Variants in ANO6 observed in about 807,000 individuals in gnomAD.
The protein encoded by ANO6 is anoctamin-6.
ANO6 carries 106 observed loss-of-function variants against 117.5 expected under a neutral mutation model. The observed-to-expected ratio is 0.90, with a 90% CI of 0.77 to 1.06. The LOEUF is 1.06. Among genes scored for constraint, ANO6 ranks in the 50% least tolerant of loss-of-function variants. The pLI is 0.00. For missense variants in ANO6, 955 were observed against 1,121.1 expected, an observed-to-expected ratio of 0.85 and a Z score of 2.12; for synonymous variants, 367 against 385.1, an observed-to-expected ratio of 0.95 and a Z score of 0.55.
At chr12:45,293,941 T>C (rs1180913199) in intron 1 of ANO6, among the ~76,000 whole-genome samples, 1 of 152,042 alleles carries the variant, frequency 6.6e-6, no homozygotes, top group Non-Finnish European at 1.5e-5. Context: ...CCTATAATAA[T>C]GTGGCAGGTT....
chr12:45,403,613 A>G, intron 15 of ANO6, 77 bp downstream of exon 15: 2 of 819,132 alleles, frequency 2.4e-6, no homozygotes, highest in South Asian at 4.0e-5. Flanking sequence ...ATTTGCCTAC[A>G]TAGCCACATA....
Position 45,216,152 on chromosome 12 carries a change from G to C in ANO6, c.-170G>C. Reference sequence around the variant, plus strand: ...GTCCTCCGGCTCTGGGCTCCGGTCGGTGGGTGCCTCGGCTCGGCTTTCCCC... The same window carrying C: ...GTCCTCCGGCTCTGGGCTCCGGTCGCTGGGTGCCTCGGCTCGGCTTTCCCC... On this transcript the variant is annotated 5_prime_UTR_variant, in exon 1 of 20. Transcript: ENST00000320560. The C allele has an allele frequency of 1.4e-6, 1 of 710,266 alleles. No homozygotes were observed. The highest frequency in any genetic ancestry group is 2.3e-6 in the Non-Finnish European group (1 of 425,632). The allele number at this position is 710,266 out of a possible 1,614,324, so 44.0% of individuals were successfully genotyped here.
intron 2 of ANO6, among the ~76,000 whole-genome samples, chr12:45,320,018 A>G (rs1050788043): frequency 3.3e-5 from 5 of 151,858 alleles, no homozygotes; most frequent in African/African-American, 9.7e-5. Context: ...TTTATTCCTT[A>G]TTAGTCTTGC....
At chr12:45,313,688 C>T (rs528412163) in intron 2 of ANO6, among the ~76,000 whole-genome samples, 60 of 152,116 alleles carry the variant, frequency 3.9e-4, no homozygotes, top group African/African-American at 1.4e-3. Context: ...AGTACAGTTA[C>T]AGACACTTAA....
chr12:45,302,703 A>G (rs920345630), intron 2 of ANO6, among the ~76,000 whole-genome samples: 2 of 152,194 alleles, frequency 1.3e-5, no homozygotes, highest in African/African-American at 4.8e-5. Context: ...TTTAAAGAAA[A>G]TTAAGCACAT....
intron 12 of ANO6, among the ~76,000 whole-genome samples, chr12:45,395,423 C>T (rs1048568272): frequency 2.6e-5 from 4 of 152,198 alleles, no homozygotes; most frequent in African/African-American, 9.7e-5. Flanking sequence ...CAAAGAGGAG[C>T]TGCTACCATT....
chr12:45,241,609 G>A lies in ANO6; in HGVS notation c.70+25218G>A, dbSNP rs180802268. ...TGTTCCTTTGCTGGTGAGGAACTGC[G>A]ATCTTTTGGAGGAGAACAGGCGCTC... On this transcript the variant is annotated intron_variant, in intron 1 of 19. Transcript: ENST00000320560. Among the ~76,000 whole-genome samples, 379 of 152,310 alleles carry A rather than the reference G, an allele frequency of 2.5e-3. 1 individual carries two copies. The highest frequency in any genetic ancestry group is 6.8e-3 in the Middle Eastern group (2 of 294).
intron 1 of ANO6, among the ~76,000 whole-genome samples, chr12:45,251,598 G>A (rs1436059491): frequency 6.6e-6 from 1 of 152,176 alleles, no homozygotes; most frequent in East Asian, 1.9e-4. Flanking sequence ...TAATGTTCCA[G>A]TGAAGAAGAC....
intron 1 of ANO6, among the ~76,000 whole-genome samples, chr12:45,276,499 A>G (rs757003340): frequency 1.3e-4 from 19 of 150,598 alleles, no homozygotes; most frequent in Non-Finnish European, 2.4e-4. Context: ...TTTTCCTTGC[A>G]TGCTCTTTTT....
chr12:45,432,014 T>G lies in ANO6; in HGVS notation c.*2703T>G, dbSNP rs540279299. ...AACTAAACAAGGCCATCTTATAAAC[T>G]GTCACCAAAGTCTTCCCTTTTTTAT... On this transcript the variant is annotated 3_prime_UTR_variant, in exon 20 of 20. Transcript: ENST00000320560. 1.6e-5 allele frequency: 16 copies of G among 985,426 alleles called. No individual in the cohort carries two copies. The Middle Eastern group carries it at 2.1e-3, about 129-fold the overall frequency. The allele number at this position is 985,426 out of a possible 1,614,324, so 61.0% of individuals were successfully genotyped here.
intron 15 of ANO6, among the ~76,000 whole-genome samples, chr12:45,404,222 C>T (rs987967057): frequency 1.3e-5 from 2 of 152,136 alleles, no homozygotes; most frequent in African/African-American, 2.4e-5. Flanking sequence ...AAGGCTTTGA[C>T]TTACTGTTGT....
At chr12:45,250,569 T>G (rs1896020) in intron 1 of ANO6, among the ~76,000 whole-genome samples, 8,738 of 151,626 alleles carry the variant, frequency 0.058, 334 homozygotes, top group South Asian at 0.1. Flanking sequence ...ATTAAATTTT[T>G]TTGTTGTTGT....
intron 3 of ANO6, among the ~76,000 whole-genome samples, chr12:45,340,196 T>A (rs997527853): frequency 3.9e-5 from 6 of 152,162 alleles, no homozygotes; most frequent in Admixed American, 3.9e-4. Context: ...TTTGTGATTT[T>A]GATTGCTTTA....
At chr12:45,379,767 C>T (rs1313530917) in intron 10 of ANO6, among the ~76,000 whole-genome samples, 1 of 152,206 alleles carries the variant, frequency 6.6e-6, no homozygotes, top group Non-Finnish European at 1.5e-5. Context: ...TTTCTCTGAT[C>T]ATTAACTACA....
intron 2 of ANO6, among the ~76,000 whole-genome samples, chr12:45,330,563 T>A (rs1303555771): frequency 6.6e-6 from 1 of 152,158 alleles, no homozygotes; most frequent in Non-Finnish European, 1.5e-5. Flanking sequence ...CAACTCCATA[T>A]GTTCACAGGT....
At chr12:45,292,646 A>T (rs1396175411) in intron 1 of ANO6, 1 of 1,186,182 alleles carries the variant, frequency 8.4e-7, no homozygotes, top group Non-Finnish European at 1.0e-6. Context: ...CAAAGGACGC[A>T]TGTTTAACTT....
chr12:45,367,357 G>GT (rs1189588498), intron 8 of ANO6, among the ~76,000 whole-genome samples: 1 of 152,172 alleles, frequency 6.6e-6, no homozygotes, highest in Admixed American at 6.5e-5. Flanking sequence ...CATGTAATCT[G>GT]TTAGTAATAA....
intron 7 of ANO6, 108 bp from the exon 8 acceptor site, chr12:45,357,182 G>T (rs1396382519): frequency 7.6e-7 from 1 of 1,311,186 alleles, no homozygotes; most frequent in East Asian, 2.3e-5. Flanking sequence ...AATTGAGTCA[G>T]ATTTAAGCTT....
chr12:45,266,432 A>G (rs1438645404), intron 1 of ANO6, among the ~76,000 whole-genome samples: 3 of 152,210 alleles, frequency 2.0e-5, no homozygotes, highest in African/African-American at 7.2e-5. Context: ...AGGTTGGCAC[A>G]TAAATATGGC....
Sources: allele counts gnomAD v4.1 joint callset (sites outside exome capture counted in the v4.1 genomes callset), GRCh38; gene constraint gnomAD v4.1.1; transcripts MANE v1.5; gene names NCBI Gene and HGNC (gene_info 2026-07-23, HGNC 2026-07-21).